TMEM178B: variants seen among roughly 807,000 people sequenced by gnomAD.
TMEM178B encodes transmembrane protein 178B.
TMEM178B carries 5 observed loss-of-function variants against 31.0 expected under a neutral mutation model. That is an observed-to-expected ratio of 0.16 (90% CI 0.08 to 0.34). The LOEUF (loss-of-function observed/expected upper bound fraction) is 0.34. TMEM178B is among the 10% of genes least tolerant of loss of function. The pLI, the probability that TMEM178B is intolerant of heterozygous loss-of-function variation, is 1.00. For synonymous variants in TMEM178B, 164 were observed against 164.0 expected (o/e 1.00, Z 0.00); for missense variants, 275 against 400.3 (o/e 0.69, Z 2.67).
intron 2 of TMEM178B, among the ~76,000 whole-genome samples, chr7:141,334,877 T>C (rs1026127128): frequency 8.5e-5 from 13 of 152,212 alleles, no homozygotes; most frequent in African/African-American, 2.9e-4. Flanking sequence ...AGAAGACTTA[T>C]TGATCTGTGG....
chr7:141,111,145 T>A lies in TMEM178B; in HGVS notation c.382+36453T>A, dbSNP rs138828248. Among the ~76,000 whole-genome samples the A allele has an allele frequency of 6.0e-3, 911 of 152,314 alleles. 9 individuals carry two copies. Among genetic ancestry groups the A allele is most frequent in the African/African-American group, 0.021 (871 of 41,566 alleles). On this transcript the variant is annotated intron_variant, in intron 1 of 3. Transcript: ENST00000565468. ...GGTTTAATGGACTCACAGTTCCACA[T>A]GGCTGGGAGGCCTCACAATCATGGC...
chr7:141,325,409 C>G (rs112042050), intron 2 of TMEM178B, among the ~76,000 whole-genome samples: 39 of 152,230 alleles, frequency 2.6e-4, no homozygotes, highest in Non-Finnish European at 4.4e-4. Flanking sequence ...GTCTGTCACC[C>G]CAGGAGCTGC....
chr7:141,321,107 C>T (rs7788314), intron 2 of TMEM178B, among the ~76,000 whole-genome samples: 48,870 of 152,070 alleles, frequency 0.32, 9,867 homozygotes, highest in African/African-American at 0.56. Flanking sequence ...TGTGTGACTC[C>T]CCTCTATTGA....
At chr7:141,291,931 T>A (rs964676799) in intron 2 of TMEM178B, among the ~76,000 whole-genome samples, 1 of 150,290 alleles carries the variant, frequency 6.7e-6, no homozygotes, top group Non-Finnish European at 1.5e-5. Flanking sequence ...AGATCATTTT[T>A]TTTTTTTTTT....
chr7:141,208,951 T>C (rs1436115277), intron 1 of TMEM178B, among the ~76,000 whole-genome samples: 1 of 152,214 alleles, frequency 6.6e-6, no homozygotes, highest in East Asian at 1.9e-4. Flanking sequence ...TTGAAATTAT[T>C]GTAGGTAGGG....
chr7:141,278,221 C>G (rs1420994369), intron 2 of TMEM178B, among the ~76,000 whole-genome samples: 1 of 152,102 alleles, frequency 6.6e-6, no homozygotes, highest in African/African-American at 2.4e-5. Context: ...GAAAGAGGGC[C>G]GAGGGGCCTT....
chr7:141,426,104 T>C (rs1008239139), intron 2 of TMEM178B, among the ~76,000 whole-genome samples: 7 of 152,198 alleles, frequency 4.6e-5, no homozygotes, highest in African/African-American at 1.7e-4. Flanking sequence ...ATGCTGGCTT[T>C]AAAAAATGAG....
intron 2 of TMEM178B, among the ~76,000 whole-genome samples, chr7:141,420,360 G>T (rs1286984208): frequency 6.6e-6 from 1 of 152,142 alleles, no homozygotes; most frequent in Non-Finnish European, 1.5e-5. Flanking sequence ...ATGAATGTAG[G>T]ATGAACCCAA....
rs1479407874 is a variant in TMEM178B at position 141,215,777 on chromosome 7, C to CCTTCCTTT, written c.496+3076_496+3077insCCTTTCTT. 4.2e-3 allele frequency among the ~76,000 whole-genome samples: 466 copies of CCTTCCTTT among 112,110 alleles called. 3 individuals carry two copies. The highest frequency in any genetic ancestry group is 0.022 in the East Asian group (74 of 3,326). 73.5% of individuals were successfully genotyped at this position (112,110 alleles called of 152,430 possible). ...TGGTTAAATTTGAATTATATACTTT[C>CCTTCCTTT]CTTTCTTTCTTTCTTTCTTTCTTTC... is the stretch of plus-strand genomic sequence containing the variant. On this transcript the variant is annotated intron_variant, in intron 2 of 3. Transcript: ENST00000565468.
intron 1 of TMEM178B, among the ~76,000 whole-genome samples, chr7:141,128,499 A>G (rs1795541830): frequency 6.6e-6 from 1 of 152,158 alleles, no homozygotes; most frequent in Non-Finnish European, 1.5e-5. Context: ...GAACAAGCAC[A>G]TCAGGCTATT....
chr7:141,238,491 A>C (rs1797564827), intron 2 of TMEM178B, among the ~76,000 whole-genome samples: 1 of 152,154 alleles, frequency 6.6e-6, no homozygotes, highest in South Asian at 2.1e-4. Flanking sequence ...GATTCTCTAA[A>C]CTTTAGAAAA....
chr7:141,188,658 A>C (rs1796650483), intron 1 of TMEM178B, among the ~76,000 whole-genome samples: 2 of 152,196 alleles, frequency 1.3e-5, no homozygotes, highest in African/African-American at 2.4e-5. Flanking sequence ...AAACAGAAAT[A>C]AGCTTACATT....
chr7:141,254,536 G>A (rs1797893614), intron 2 of TMEM178B, among the ~76,000 whole-genome samples: 1 of 152,030 alleles, frequency 6.6e-6, no homozygotes, highest in Admixed American at 6.6e-5. Context: ...CGGCTAACAT[G>A]GTGACACCCC....
At chr7:141,331,696 G>A (rs1300769898) in intron 2 of TMEM178B, among the ~76,000 whole-genome samples, 1 of 152,194 alleles carries the variant, frequency 6.6e-6, no homozygotes, top group Non-Finnish European at 1.5e-5. Flanking sequence ...GTTGGAAGTG[G>A]AAGTGGGGTA....
chr7:141,428,127 G>C (rs1801353763), intron 2 of TMEM178B, among the ~76,000 whole-genome samples: 1 of 151,954 alleles, frequency 6.6e-6, no homozygotes, highest in African/African-American at 2.4e-5. Flanking sequence ...GTCATAGCTG[G>C]TGCCAGGGAA....
In TMEM178B at chr7:141,470,788, A is replaced by G; in HGVS notation, c.*2A>G. 1 of 1,477,844 alleles carries G rather than the reference A, an allele frequency of 6.8e-7. No individual in the cohort carries two copies. The allele number at this position is 1,477,844 out of a possible 1,614,324, so 91.5% of individuals were successfully genotyped here. On this transcript the variant is annotated 3_prime_UTR_variant, in exon 4 of 4. Transcript: ENST00000565468. ...CCCGAGAATGGGACAGTGTGCTAAA[A>G]AACAAACCCATACATACATATATAT...
intron 2 of TMEM178B, among the ~76,000 whole-genome samples, chr7:141,333,931 C>G (rs145305797): frequency 2.9e-4 from 44 of 152,352 alleles, no homozygotes; most frequent in Admixed American, 2.9e-3. Context: ...AGGTAGAGCT[C>G]TGGCGGTAAT....
chr7:141,450,758 T>A (rs760569414), intron 3 of TMEM178B, among the ~76,000 whole-genome samples: 6 of 152,166 alleles, frequency 3.9e-5, no homozygotes, highest in Non-Finnish European at 8.8e-5. Context: ...GTAGACACTG[T>A]TCCAACATTA....
At chr7:141,120,755 A>C (rs920071298) in intron 1 of TMEM178B, among the ~76,000 whole-genome samples, 42 of 152,202 alleles carry the variant, frequency 2.8e-4, no homozygotes, top group African/African-American at 1.0e-3. Flanking sequence ...TAGGAGTTGG[A>C]GACTAGCCTG....
Sources: gnomAD v4.1 joint callset for allele counts (sites outside exome capture counted in the v4.1 genomes callset) on GRCh38, gnomAD v4.1.1 for gene constraint, MANE v1.5 for transcripts, NCBI Gene and HGNC (gene_info 2026-07-23, HGNC 2026-07-21) for gene names.